The following SLCO6A1 variants were observed in gnomAD, a reference collection of about 807,000 sequenced individuals.
SLCO6A1 encodes the protein solute carrier organic anion transporter family member 6A1, also known as cancer/testis antigen 48.
A neutral mutation model predicts 72.7 loss-of-function variants in SLCO6A1; 65 were observed. That is an observed-to-expected ratio of 0.89 (90% confidence interval 0.73 to 1.10). The LOEUF (loss-of-function observed/expected upper bound fraction) is 1.10, where lower values mean the gene tolerates loss of function less well. Among genes scored for constraint, SLCO6A1 ranks in the 50% least tolerant of loss-of-function variants. The probability of loss-of-function intolerance (pLI) is 0.00; values close to 1 mark genes in which losing one functional copy is unlikely to be tolerated. For missense variants in SLCO6A1, 874 were observed against 872.6 expected, an observed-to-expected ratio of 1.00 and a Z score of -0.02; for synonymous variants, 314 against 298.2, an observed-to-expected ratio of 1.05 and a Z score of -0.55.
rs1405272691 is a variant in SLCO6A1, at chr5:102,430,189, TAAGGAGC to T, written c.1276+8421_1276+8427del. Among the ~76,000 whole-genome samples, 5 of 152,272 alleles carry T rather than the reference TAAGGAGC, an allele frequency of 3.3e-5. No individual in the cohort carries two copies. In the South Asian group the frequency reaches 1.0e-3, roughly 32 times the overall value. The stretch of plus-strand genomic sequence containing the variant: ...CTTTGCTGATGGCTGTTTCTCAGCT[TAAGGAGC>T]TTTTGGGCCAAGACTATGGGGTTTT... On this transcript the variant is annotated intron_variant, in intron 7 of 13. Transcript: ENST00000506729.
At position 102,498,456 on chromosome 5, in the gene SLCO6A1, C is replaced by T. The variant is rs201495487; in HGVS notation, c.358+31G>A. ...CCGCCAGTGCGGCCCCAGCTGCCCTCGCCACAACAAACCGCCTCCTTCAGG... is the reference window on the plus strand; with the variant it reads ...CCGCCAGTGCGGCCCCAGCTGCCCTTGCCACAACAAACCGCCTCCTTCAGG... On this transcript the variant is annotated intron_variant, in intron 1 of 13. Coordinates refer to ENST00000506729, the MANE Select transcript of SLCO6A1 (RefSeq NM_173488.5). 1.0e-5 allele frequency: 16 copies of T among 1,588,112 alleles called. No homozygotes were observed. The East Asian group carries it at 2.9e-4, about 29-fold the overall frequency.
intron 7 of SLCO6A1, among the ~76,000 whole-genome samples, chr5:102,431,238 T>C (rs1037521866): frequency 6.6e-6 from 1 of 152,170 alleles, no homozygotes; most frequent in African/African-American, 2.4e-5. Flanking sequence ...TGAATGTTTT[T>C]TTGTGTCTCC....
chr5:102,468,495 TA>T (rs1284864709), intron 4 of SLCO6A1, among the ~76,000 whole-genome samples: 2 of 152,076 alleles, frequency 1.3e-5, no homozygotes, highest in African/African-American at 2.4e-5. Flanking sequence ...GTAATTATTT[TA>T]AAAATTTAGG....
At position 102,412,980 on chromosome 5, in the gene SLCO6A1, A is replaced by T. The variant is rs1402778231; in HGVS notation, c.1626+10T>A. 10 of 1,230,710 alleles carry T rather than the reference A, an allele frequency of 8.1e-6. No individual in the cohort carries two copies. Among genetic ancestry groups the T allele is most frequent in the Non-Finnish European group, 1.1e-5 (10 of 945,208 alleles). 76.2% of individuals were successfully genotyped at this position (1,230,710 alleles called of 1,614,324 possible). A position where few individuals can be genotyped will look rare whatever the true frequency, so the allele number is the denominator to read the frequency against. On this transcript the variant is annotated intron_variant, in intron 9 of 13. Coordinates refer to ENST00000506729, the MANE Select transcript of SLCO6A1 (RefSeq NM_173488.5). ...TATAACAAAACATAATAATTATAAA[A>T]AATAATTACCTTTTTTTGGTTTTGT...
chr5:102,396,054 C>G (rs966503288), intron 10 of SLCO6A1, among the ~76,000 whole-genome samples: 1 of 152,002 alleles, frequency 6.6e-6, no homozygotes, highest in Non-Finnish European at 1.5e-5. Context: ...AATTAGATCC[C>G]ATTTGTCAAT....
At position 102,441,735 on chromosome 5, in the gene SLCO6A1, T is replaced by C. The variant is rs996629908; in HGVS notation, c.1132-2974A>G. Among the ~76,000 whole-genome samples the C allele has an allele frequency of 2.0e-5, 3 of 152,076 alleles. No homozygotes were observed. The South Asian group carries it at 6.2e-4, about 32-fold the overall frequency. On this transcript the variant is annotated intron_variant, in intron 6 of 13. Transcript: ENST00000506729. ...TCTTTAATAATGTTGCATAAAGTTT[T>C]AATTTTTTCATGAAGTTTTTTTAGC...
chr5:102,382,750 A>G (rs897065146), intron 12 of SLCO6A1, among the ~76,000 whole-genome samples: 11 of 151,404 alleles, frequency 7.3e-5, no homozygotes, highest in African/African-American at 2.7e-4. Flanking sequence ...ACTACCATAA[A>G]TGGGAATTTT....
Position 102,498,808 on chromosome 5 carries a change from C to T in SLCO6A1, c.37G>A (p.Asp13Asn), listed in dbSNP as rs754481179. 12 of 1,613,214 alleles carry T rather than the reference C, an allele frequency of 7.4e-6. No individual in the cohort carries two copies. The South Asian group carries it at 8.8e-5, about 12-fold the overall frequency. The change falls in exon 1 of 14, where the codon GAT (aspartate) becomes AAT (asparagine). Residue 13 changes from aspartate (D) to asparagine (N), a missense_variant. Asp to Asn is a conservative substitution (Grantham distance 23). Transcript: ENST00000506729. ...VGVARHSGSQ[D>N]EVSRGVEPLE... ...GGCTCTACTCCCCTTGAGACTTCAT[C>T]CTGGCTCCCAGAGTGCCGGGCGACG...
intron 5 of SLCO6A1, 69 bp from the exon 6 acceptor site, chr5:102,458,560 T>C: frequency 2.1e-6 from 2 of 957,824 alleles, no homozygotes. Flanking sequence ...AAAACCTACA[T>C]ACACACCCTA....
At chr5:102,424,579 C>T (rs915160771) in intron 7 of SLCO6A1, among the ~76,000 whole-genome samples, 4 of 152,020 alleles carry the variant, frequency 2.6e-5, no homozygotes, top group Admixed American at 2.0e-4. Context: ...AGGAAGAAGT[C>T]GAATCCCTGA....
chr5:102,385,007 C>G (rs1165532270), intron 12 of SLCO6A1, among the ~76,000 whole-genome samples: 3 of 152,116 alleles, frequency 2.0e-5, no homozygotes, highest in Admixed American at 1.3e-4. Flanking sequence ...TAAGTCAGGT[C>G]TAGTGGTGGT....
At chr5:102,407,835 C>A (rs535477693) in intron 9 of SLCO6A1, among the ~76,000 whole-genome samples, 1 of 152,056 alleles carries the variant, frequency 6.6e-6, no homozygotes, top group African/African-American at 2.4e-5. Context: ...TGTTCAATAA[C>A]CTGAACAAAC....
chr5:102,492,259 T>G (rs1409513671), intron 1 of SLCO6A1, among the ~76,000 whole-genome samples: 1 of 151,562 alleles, frequency 6.6e-6, no homozygotes, highest in Non-Finnish European at 1.5e-5. Context: ...CAACAACAGA[T>G]AAGTAATGTA....
intron 10 of SLCO6A1, among the ~76,000 whole-genome samples, chr5:102,398,555 C>A (rs1747227714): frequency 6.6e-6 from 1 of 152,154 alleles, no homozygotes; most frequent in Non-Finnish European, 1.5e-5. Context: ...CTTTTCAAAG[C>A]ATTCTATCTA....
chr5:102,440,428 TTATC>T (rs1756724304), intron 6 of SLCO6A1, among the ~76,000 whole-genome samples: 2 of 152,180 alleles, frequency 1.3e-5, no homozygotes, highest in Non-Finnish European at 2.9e-5. Context: ...TAATACCTGT[TTATC>T]TGTCACTATC....
At chr5:102,411,951 A>T (rs1748009011) in intron 9 of SLCO6A1, among the ~76,000 whole-genome samples, 2 of 152,112 alleles carry the variant, frequency 1.3e-5, no homozygotes, top group South Asian at 4.1e-4. Context: ...AAAGGTCTGA[A>T]TAGGAAATAT....
Position 102,388,729 on chromosome 5 carries a change from A to G in SLCO6A1, c.1976T>C (p.Ile659Thr). The G allele has an allele frequency of 6.2e-7, 1 of 1,602,728 alleles. No homozygotes were observed. Among genetic ancestry groups the G allele is most frequent in the Non-Finnish European group, 8.5e-7 (1 of 1,176,132 alleles). ...GAAAGCCATTTTTGTCTTGTTATAT[A>G]TCCAACAACGTCCTGTGTGTCCACA... Reference protein sequence around the residue: ...NKCGHTGRCWIYNKTKMAFLL... With the variant: ...NKCGHTGRCWTYNKTKMAFLL... The change falls in exon 12 of 14, where the codon ATA becomes ACA. Residue 659 changes from isoleucine to threonine, a missense_variant. Ile to Thr is a moderately conservative substitution (Grantham distance 89). Coordinates refer to ENST00000506729, the MANE Select transcript of SLCO6A1 (RefSeq NM_173488.5).
At chr5:102,464,801 C>A (rs1017838287) in intron 4 of SLCO6A1, among the ~76,000 whole-genome samples, 10 of 152,118 alleles carry the variant, frequency 6.6e-5, no homozygotes, top group Non-Finnish European at 1.2e-4. Flanking sequence ...AGATCTCTTG[C>A]CAGTGCTCTT....
intron 8 of SLCO6A1, among the ~76,000 whole-genome samples, chr5:102,415,564 GGATTAAA>G (rs1748237776): frequency 6.6e-6 from 1 of 151,956 alleles, no homozygotes. Flanking sequence ...CACTCAACAT[GGATTAAA>G]GACTTAAATA....
Sources: gnomAD v4.1 joint callset for allele counts (sites outside exome capture counted in the v4.1 genomes callset) on GRCh38, gnomAD v4.1.1 for gene constraint, MANE v1.5 for transcripts, NCBI Gene and HGNC (gene_info 2026-07-23, HGNC 2026-07-21) for gene names.